Variants in PPP2R2B observed in about 807,000 individuals in gnomAD.
PPP2R2B encodes the protein serine/threonine-protein phosphatase 2A 55 kDa regulatory subunit B beta isoform.
PPP2R2B carries 5 observed loss-of-function variants against 46.0 expected under a neutral mutation model. That is an observed-to-expected ratio of 0.11 (90% confidence interval 0.06 to 0.23). The LOEUF (loss-of-function observed/expected upper bound fraction) is 0.23. Among genes scored for constraint, PPP2R2B ranks in the 10% least tolerant of loss-of-function variants. The pLI is 1.00. For missense variants in PPP2R2B, 367 were observed against 575.0 expected (o/e 0.64, Z 3.70); for synonymous variants, 215 against 206.7 (o/e 1.04, Z -0.34).
Position 146,878,675 on chromosome 5 carries a change from G to T in PPP2R2B, c.-209C>A. ...AAGCTGGCGGGGAGCTGGGCAGGGCGCTGCAGCCGGCGCCAGCGCACTCAC... is the reference window on the plus strand; with the variant it reads ...AAGCTGGCGGGGAGCTGGGCAGGGCTCTGCAGCCGGCGCCAGCGCACTCAC... On this transcript the variant is annotated 5_prime_UTR_variant, in exon 1 of 10. Transcript: ENST00000394411. The surrounding 1 kb of genome is among the most constrained non-coding windows in gnomAD (Gnocchi z 4.5). The T allele has an allele frequency of 7.8e-7, 1 of 1,284,826 alleles. No individual in the cohort carries two copies. The highest frequency in any genetic ancestry group is 1.0e-6 in the Non-Finnish European group (1 of 987,680). 79.6% of individuals were successfully genotyped at this position (1,284,826 alleles called of 1,614,324 possible).
intron 1 of PPP2R2B, among the ~76,000 whole-genome samples, chr5:146,928,576 C>T (rs911040768): frequency 6.6e-6 from 1 of 152,110 alleles, no homozygotes; most frequent in Non-Finnish European, 1.5e-5. Context: ...TTACCACGGT[C>T]ACTGCTACCA....
At chr5:146,894,198 CCTAAAGTGCAGATCTGATCATG>C (rs2151430352) in intron 1 of PPP2R2B, among the ~76,000 whole-genome samples, 1 of 152,270 alleles carries the variant, frequency 6.6e-6, no homozygotes, top group African/African-American at 2.4e-5. Flanking sequence ...ACAATCATTT[CCTAAAGTGCAGATCTGATCATG>C]CCAATTGCCC....
chr5:146,906,169 G>A (rs1222568175), intron 1 of PPP2R2B, among the ~76,000 whole-genome samples: 1 of 151,922 alleles, frequency 6.6e-6, no homozygotes, highest in Non-Finnish European at 1.5e-5. Flanking sequence ...TGAAAGAATG[G>A]ATGTGAAAAA....
At chr5:146,873,575 A>C (rs1190782319) in intron 2 of PPP2R2B, among the ~76,000 whole-genome samples, 2 of 152,144 alleles carry the variant, frequency 1.3e-5, no homozygotes, top group African/African-American at 4.8e-5. Context: ...TGGAAAAAAA[A>C]TTACAGTGAT....
At chr5:146,971,163 T>C (rs1289738553) in intron 1 of PPP2R2B, among the ~76,000 whole-genome samples, 3 of 152,230 alleles carry the variant, frequency 2.0e-5, no homozygotes, top group African/African-American at 4.8e-5. Flanking sequence ...GATAGCATCA[T>C]AGATTTGGTG....
At chr5:146,828,015 GAGAGAGAGACAGAGAC>G (rs1277429096) in intron 2 of PPP2R2B, among the ~76,000 whole-genome samples, 19 of 151,954 alleles carry the variant, frequency 1.3e-4, no homozygotes, top group African/African-American at 4.6e-4. Context: ...GAGAGAGAGA[GAGAGAGAGACAGAGAC>G]AGAGACAGAG....
chr5:146,787,722 T>C (rs949938882), intron 2 of PPP2R2B, among the ~76,000 whole-genome samples: 2 of 152,054 alleles, frequency 1.3e-5, no homozygotes, highest in Non-Finnish European at 2.9e-5. Context: ...CGCACACCAC[T>C]ATGCCTGGCT....
chr5:146,912,661 T>C (rs931668946), intron 1 of PPP2R2B, among the ~76,000 whole-genome samples: 5 of 151,760 alleles, frequency 3.3e-5, no homozygotes, highest in African/African-American at 4.8e-5. Flanking sequence ...TGTGCCACCA[T>C]GCCTGGCTAA....
At position 146,855,036 on chromosome 5, in the gene PPP2R2B, T is replaced by C. The variant is rs1456279638; in HGVS notation, c.70+22966A>G. 2.0e-5 allele frequency among the ~76,000 whole-genome samples: 3 copies of C among 152,192 alleles called. No homozygotes were observed. The East Asian group carries it at 5.8e-4, about 29-fold the overall frequency. ...AATAGGGGGCATAAAAGTTGGAAGC[T>C]CCAGGGAAATCCACTCAAAGCTATT... On this transcript the variant is annotated intron_variant, in intron 2 of 9. Transcript: ENST00000394411.
intron 2 of PPP2R2B, among the ~76,000 whole-genome samples, chr5:146,791,318 C>T (rs1396577200): frequency 6.6e-6 from 1 of 152,148 alleles, no homozygotes; most frequent in African/African-American, 2.4e-5. Flanking sequence ...TTTTCTGCTT[C>T]TTATAACTCT....
intron 1 of PPP2R2B, among the ~76,000 whole-genome samples, chr5:146,957,412 C>T (rs1358422489): frequency 1.3e-5 from 2 of 152,238 alleles, no homozygotes; most frequent in East Asian, 1.9e-4. Context: ...GAAGTGTGTA[C>T]CATGCATAGT....
chr5:146,941,420 A>G (rs567221297), intron 1 of PPP2R2B, among the ~76,000 whole-genome samples: 5 of 152,340 alleles, frequency 3.3e-5, no homozygotes, highest in South Asian at 2.1e-4. Flanking sequence ...TAGTCCATCA[A>G]TAAGACAGAT....
At chr5:146,669,215 T>G (rs996454907) in intron 5 of PPP2R2B, among the ~76,000 whole-genome samples, 1 of 152,198 alleles carries the variant, frequency 6.6e-6, no homozygotes, top group Non-Finnish European at 1.5e-5. Context: ...TTGTATCACA[T>G]ATGCATTTAA....
intron 6 of PPP2R2B, among the ~76,000 whole-genome samples, chr5:146,646,987 G>C (rs1775623042): frequency 6.6e-6 from 1 of 152,114 alleles, no homozygotes. Flanking sequence ...AAAGTGGTAG[G>C]GCTGGGTGAG....
intron 1 of PPP2R2B, among the ~76,000 whole-genome samples, chr5:147,017,794 G>A (rs1361975700): frequency 6.6e-6 from 1 of 152,044 alleles, no homozygotes; most frequent in East Asian, 1.9e-4. Flanking sequence ...GGTTAAGCCT[G>A]CCACTTGGAA....
At chr5:146,973,856 G>T (rs1435996878) in intron 1 of PPP2R2B, among the ~76,000 whole-genome samples, 1 of 152,162 alleles carries the variant, frequency 6.6e-6, no homozygotes, top group African/African-American at 2.4e-5. Context: ...CATTAGCGAA[G>T]GAAACAATGC....
At chr5:146,591,121 G>C (rs1581658432) in intron 9 of PPP2R2B, among the ~76,000 whole-genome samples, 1 of 152,056 alleles carries the variant, frequency 6.6e-6, no homozygotes, top group Non-Finnish European at 1.5e-5. Flanking sequence ...AGTACCCCAA[G>C]TGCCATCACA....
At chr5:146,676,524 T>C (rs1777727650) in intron 5 of PPP2R2B, among the ~76,000 whole-genome samples, 1 of 152,166 alleles carries the variant, frequency 6.6e-6, no homozygotes, top group African/African-American at 2.4e-5. Context: ...CTCCTCTTCT[T>C]ACTTTCCTCC....
intron 2 of PPP2R2B, among the ~76,000 whole-genome samples, chr5:146,826,245 A>T (rs1646959046): frequency 6.6e-6 from 1 of 152,202 alleles, no homozygotes; most frequent in African/African-American, 2.4e-5. Context: ...GGTGGCAGAG[A>T]CAAAACTTGA....
Sources: allele counts gnomAD v4.1 joint callset (sites outside exome capture counted in the v4.1 genomes callset), GRCh38; gene constraint gnomAD v4.1.1; non-coding constraint Gnocchi (gnomAD v3.1); transcripts MANE v1.5; gene names NCBI Gene and HGNC (gene_info 2026-07-23, HGNC 2026-07-21).